PDE7B: variants seen among roughly 807,000 people sequenced by gnomAD.
The protein encoded by PDE7B is phosphodiesterase 7B.
In PDE7B, 29 loss-of-function variants were observed where a neutral mutation model predicts 56.2. The ratio of observed to expected loss-of-function variants is 0.52; its 90% CI spans 0.38 to 0.70. The LOEUF (loss-of-function observed/expected upper bound fraction) is 0.70, where lower values mean the gene tolerates loss of function less well. PDE7B is among the 30% of genes least tolerant of loss of function. PDE7B has a pLI of 0.00. For missense variants in PDE7B, 490 were observed against 565.0 expected (o/e 0.87, Z 1.35); for synonymous variants, 197 against 196.9 (o/e 1.00, Z 0.00).
chr6:135,866,477 T>G (rs750909176), intron 1 of PDE7B, among the ~76,000 whole-genome samples: 47 of 152,158 alleles, frequency 3.1e-4, no homozygotes, highest in Non-Finnish European at 4.7e-4. Context: ...CCAGTAGTAC[T>G]TTAACAAAGT....
At chr6:136,156,162 A>AGTGTGTGTGTGTGC (rs1554283551) in intron 8 of PDE7B, 1 of 248,158 alleles carries the variant, frequency 4.0e-6, no homozygotes, top group Admixed American at 5.0e-5. Context: ...GAATGATCCA[A>AGTGTGTGTGTGTGC]GTGTGTGTGT....
chr6:135,886,350 C>T (rs1236097541), intron 1 of PDE7B, among the ~76,000 whole-genome samples: 2 of 151,950 alleles, frequency 1.3e-5, no homozygotes, highest in South Asian at 2.1e-4. Context: ...TTTTTCCTAC[C>T]TTTTTTCCCT....
At chr6:135,924,802 A>G (rs2327658) in intron 1 of PDE7B, among the ~76,000 whole-genome samples, 107,256 of 150,740 alleles carry the variant, frequency 0.71, 38,630 homozygotes, top group East Asian at 0.85. Context: ...TCAGTGAGTA[A>G]CATAGGAAAA....
intron 2 of PDE7B, among the ~76,000 whole-genome samples, chr6:136,008,435 T>G (rs944151020): frequency 2.6e-5 from 4 of 152,202 alleles, no homozygotes; most frequent in Non-Finnish European, 4.4e-5. Flanking sequence ...GTTGAACTAG[T>G]GTAGAGTCCC....
At chr6:136,145,459 T>C (rs758578207) in intron 3 of PDE7B, among the ~76,000 whole-genome samples, 4 of 152,148 alleles carry the variant, frequency 2.6e-5, no homozygotes, top group Admixed American at 2.6e-4. Context: ...AAGATAAATC[T>C]GGTTCCTATT....
intron 11 of PDE7B, among the ~76,000 whole-genome samples, chr6:136,185,076 T>A (rs1779123520): frequency 6.6e-6 from 1 of 152,156 alleles, no homozygotes; most frequent in Admixed American, 6.6e-5. Flanking sequence ...AGAGTTTGTC[T>A]TAATATTATA....
chr6:135,892,342 C>T (rs908345378), intron 1 of PDE7B, among the ~76,000 whole-genome samples: 1 of 152,110 alleles, frequency 6.6e-6, no homozygotes, highest in Non-Finnish European at 1.5e-5. Context: ...GATCCTGTGA[C>T]TTCAAGTACC....
intron 1 of PDE7B, among the ~76,000 whole-genome samples, chr6:135,929,455 GACTT>G (rs1317192814): frequency 6.6e-6 from 1 of 152,032 alleles, no homozygotes. Flanking sequence ...AGATTTCAAA[GACTT>G]AGTCCAAAAA....
intron 2 of PDE7B, among the ~76,000 whole-genome samples, chr6:136,010,902 C>T (rs1225609956): frequency 6.6e-6 from 1 of 152,094 alleles, no homozygotes. Context: ...AAAGGCTGCA[C>T]CGGGTGCTCC....
chr6:135,895,010 T>C (rs1447776240), intron 1 of PDE7B, among the ~76,000 whole-genome samples: 1 of 152,042 alleles, frequency 6.6e-6, no homozygotes, highest in Non-Finnish European at 1.5e-5. Flanking sequence ...GGGTTTAAGA[T>C]AGGATTACAA....
At chr6:136,151,864 C>T (rs1427449094) in intron 6 of PDE7B, among the ~76,000 whole-genome samples, 1 of 151,966 alleles carries the variant, frequency 6.6e-6, no homozygotes, top group Middle Eastern at 3.4e-3. Flanking sequence ...CACTTGAACC[C>T]GGGAGGTGGA....
intron 2 of PDE7B, among the ~76,000 whole-genome samples, chr6:136,002,488 A>G (rs1775689727): frequency 6.6e-6 from 1 of 152,214 alleles, no homozygotes; most frequent in Non-Finnish European, 1.5e-5. Flanking sequence ...TAGGATCAAA[A>G]TAAAAGGATA....
At chr6:136,046,243 A>G (rs1007809053) in intron 2 of PDE7B, 2 of 152,180 alleles carry the variant, frequency 1.3e-5, no homozygotes, top group Non-Finnish European at 2.9e-5. Flanking sequence ...AAAAAAATAC[A>G]TACAGAAGTG....
intron 2 of PDE7B, among the ~76,000 whole-genome samples, chr6:136,059,288 G>A (rs1200178394): frequency 6.6e-6 from 1 of 152,150 alleles, no homozygotes; most frequent in Non-Finnish European, 1.5e-5. Context: ...TGTTTCTGAG[G>A]CAGAGAAAAG....
chr6:135,938,796 G>C (rs764472577), intron 1 of PDE7B, among the ~76,000 whole-genome samples: 1 of 152,142 alleles, frequency 6.6e-6, no homozygotes, highest in Non-Finnish European at 1.5e-5. Context: ...TAGCCATATA[G>C]CCTTTCTATT....
At chr6:135,855,418 A>C (rs1451350080) in intron 1 of PDE7B, among the ~76,000 whole-genome samples, 1 of 152,156 alleles carries the variant, frequency 6.6e-6, no homozygotes, top group East Asian at 1.9e-4. Flanking sequence ...GAAGTCTGAG[A>C]AGGAGGCAGT....
intron 2 of PDE7B, among the ~76,000 whole-genome samples, chr6:135,966,430 A>G (rs1774999250): frequency 2.0e-5 from 3 of 152,204 alleles, no homozygotes; most frequent in Admixed American, 2.0e-4. Flanking sequence ...TCTTTAAGGT[A>G]GGTGTTTACA....
chr6:135,959,456 G>A (rs757559936), intron 2 of PDE7B, among the ~76,000 whole-genome samples: 1 of 152,100 alleles, frequency 6.6e-6, no homozygotes, highest in African/African-American at 2.4e-5. Context: ...CATCTTGGAA[G>A]TATATATTGA....
intron 2 of PDE7B, among the ~76,000 whole-genome samples, chr6:135,989,552 TGTG>T (rs1775444698): frequency 6.6e-6 from 1 of 152,058 alleles, no homozygotes. Flanking sequence ...AGGCAGAGGT[TGTG>T]GTGAGCTGAG....
Sources: gnomAD v4.1 joint callset for allele counts (sites outside exome capture counted in the v4.1 genomes callset) on GRCh38, gnomAD v4.1.1 for gene constraint, MANE v1.5 for transcripts, NCBI Gene and HGNC (gene_info 2026-07-23, HGNC 2026-07-21) for gene names.